Variants in MACROD2 observed in about 807,000 individuals in gnomAD.
MACROD2 encodes the protein ADP-ribose glycohydrolase MACROD2.
In MACROD2, 36 loss-of-function variants were observed where a neutral mutation model predicts 70.4. The ratio of observed to expected loss-of-function variants is 0.51; its 90% confidence interval spans 0.39 to 0.68. The LOEUF (loss-of-function observed/expected upper bound fraction) is 0.68. Among genes scored for constraint, MACROD2 ranks in the 30% least tolerant of loss-of-function variants. MACROD2 has a pLI of 0.00. For synonymous variants in MACROD2, 172 were observed against 178.8 expected (o/e 0.96, Z 0.30); for missense variants, 496 against 538.4 (o/e 0.92, Z 0.78).
At chr20:15,557,112 G>T (rs766304101) in intron 8 of MACROD2, among the ~76,000 whole-genome samples, 2 of 151,710 alleles carry the variant, frequency 1.3e-5, no homozygotes, top group Non-Finnish European at 1.5e-5. Context: ...TAATTGTGCT[G>T]ATTCATCATT....
rs141728380 is a variant in MACROD2, at chr20:15,250,530, A to G, written c.540+20469A>G. ...TGAAAAAAGGTGAACATATAAGTCAAAGGATTGAGAAAAATGTAAGAATGT... is the reference window on the plus strand; with the variant it reads ...TGAAAAAAGGTGAACATATAAGTCAGAGGATTGAGAAAAATGTAAGAATGT... On this transcript the variant is annotated intron_variant, in intron 6 of 17. Transcript: ENST00000684519. Among the ~76,000 whole-genome samples, 455 of 152,336 alleles carry G rather than the reference A, an allele frequency of 3.0e-3. 1 individual carries two copies. Among genetic ancestry groups the G allele is most frequent in the African/African-American group, 0.01 (430 of 41,562 alleles).
At chr20:14,770,026 A>T (rs1036202042) in intron 5 of MACROD2, among the ~76,000 whole-genome samples, 1 of 152,016 alleles carries the variant, frequency 6.6e-6, no homozygotes, top group Non-Finnish European at 1.5e-5. Context: ...ATTTCATGAA[A>T]TTCTAAATAA....
chr20:14,306,398 T>C (rs2082521350), intron 3 of MACROD2, among the ~76,000 whole-genome samples: 1 of 152,074 alleles, frequency 6.6e-6, no homozygotes, highest in Non-Finnish European at 1.5e-5. Context: ...GAGACCCACG[T>C]CTAGGTTGTT....
intron 8 of MACROD2, among the ~76,000 whole-genome samples, chr20:15,529,547 T>C (rs1329705428): frequency 6.6e-6 from 1 of 152,186 alleles, no homozygotes; most frequent in Non-Finnish European, 1.5e-5. Flanking sequence ...TAGAGGCTTC[T>C]TTTAGACAAC....
Position 16,047,549 on chromosome 20 carries a change from C to T in MACROD2, c.1301-2281C>T, listed in dbSNP as rs113687772. ...CTTGTAACTTCCGTTTTTGCACTCT[C>T]GTAATGCTCGTTGCCTGGAATCCAG... On this transcript the variant is annotated intron_variant, in intron 17 of 17. Coordinates refer to ENST00000684519, the MANE Select transcript of MACROD2 (RefSeq NM_001351661.2). Among the ~76,000 whole-genome samples the T allele has an allele frequency of 6.8e-3, 1,034 of 152,272 alleles. 14 individuals are homozygous for T. Among genetic ancestry groups the T allele is most frequent in the African/African-American group, 0.023 (972 of 41,550 alleles).
chr20:15,058,810 A>G (rs970149095), intron 5 of MACROD2, among the ~76,000 whole-genome samples: 7 of 152,220 alleles, frequency 4.6e-5, no homozygotes, highest in African/African-American at 1.7e-4. Context: ...AACATTTAGT[A>G]CATTAAAAAA....
chr20:14,643,001 A>G (rs556143478), intron 4 of MACROD2, among the ~76,000 whole-genome samples: 19 of 152,304 alleles, frequency 1.2e-4, no homozygotes, highest in Non-Finnish European at 2.4e-4. Context: ...ATTTAAAAAA[A>G]TAAAATAAAA....
chr20:14,113,315 A>G (rs2054475715), intron 3 of MACROD2, among the ~76,000 whole-genome samples: 1 of 152,030 alleles, frequency 6.6e-6, no homozygotes, highest in Non-Finnish European at 1.5e-5. Flanking sequence ...TTGAGGTGCA[A>G]TATGATTTGC....
chr20:15,141,209 T>C (rs934195954), intron 5 of MACROD2, among the ~76,000 whole-genome samples: 5 of 149,794 alleles, frequency 3.3e-5, no homozygotes, highest in Non-Finnish European at 5.9e-5. Context: ...TCCATATAGA[T>C]ATACATGTGT....
intron 5 of MACROD2, among the ~76,000 whole-genome samples, chr20:15,211,570 T>C (rs1053123924): frequency 2.0e-5 from 3 of 152,010 alleles, no homozygotes; most frequent in Middle Eastern, 3.2e-3. Flanking sequence ...TGAGAGCTGG[T>C]TGTTTAAAAG....
chr20:14,756,062 C>T (rs1177137541), intron 5 of MACROD2, among the ~76,000 whole-genome samples: 1 of 152,036 alleles, frequency 6.6e-6, no homozygotes, highest in East Asian at 1.9e-4. Context: ...TGTTTCTCTC[C>T]CATTTATTTT....
intron 3 of MACROD2, among the ~76,000 whole-genome samples, chr20:14,487,580 C>G (rs2084749938): frequency 6.6e-6 from 1 of 152,112 alleles, no homozygotes; most frequent in Admixed American, 6.5e-5. Flanking sequence ...TTCCCCTTCC[C>G]CTCTCTCTCA....
At chr20:15,243,720 C>T (rs551560603) in intron 6 of MACROD2, among the ~76,000 whole-genome samples, 2 of 152,028 alleles carry the variant, frequency 1.3e-5, no homozygotes, top group Admixed American at 1.3e-4. Context: ...TCGAGACCAT[C>T]CTGGCTAACA....
chr20:15,004,511 T>G (rs2075020873), intron 5 of MACROD2, among the ~76,000 whole-genome samples: 1 of 152,334 alleles, frequency 6.6e-6, no homozygotes, highest in South Asian at 2.1e-4. Context: ...TACTACCAGA[T>G]AGCTATCTAT....
At chr20:14,324,138 T>G (rs2082697830) in intron 3 of MACROD2, 1 of 152,616 alleles carries the variant, frequency 6.6e-6, no homozygotes, top group Non-Finnish European at 1.5e-5. Flanking sequence ...TCTGTACTTT[T>G]TAAAAGTTTT....
intron 5 of MACROD2, among the ~76,000 whole-genome samples, chr20:15,210,552 G>GTTTTTTTTTTTTTTTTTTTTGTTTTTTT (rs11333280): frequency 1.6e-5 from 2 of 121,650 alleles, no homozygotes; most frequent in Non-Finnish European, 3.3e-5. Flanking sequence ...CTTTTCTTCT[G>GTTTTTTTTTTTTTTTTTTTTGTTTTTTT]TTTTTTTTTT....
At chr20:16,019,442 A>T (rs1220690600) in intron 15 of MACROD2, among the ~76,000 whole-genome samples, 3 of 152,168 alleles carry the variant, frequency 2.0e-5, no homozygotes, top group Admixed American at 2.0e-4. Context: ...GTCAAGCATT[A>T]TAGGAAAAAA....
chr20:15,001,099 T>G (rs1169832338), intron 5 of MACROD2, among the ~76,000 whole-genome samples: 1 of 152,176 alleles, frequency 6.6e-6, no homozygotes, highest in African/African-American at 2.4e-5. Context: ...AGAATAATGG[T>G]GGGGTTCTGG....
chr20:15,522,434 C>T (rs563095485), intron 8 of MACROD2, among the ~76,000 whole-genome samples: 106 of 152,174 alleles, frequency 7.0e-4, no homozygotes, highest in African/African-American at 2.4e-3. Flanking sequence ...ACTAGTAAAC[C>T]CCTGCTACAG....
Sources: allele counts gnomAD v4.1 joint callset (sites outside exome capture counted in the v4.1 genomes callset), GRCh38; gene constraint gnomAD v4.1.1; transcripts MANE v1.5; gene names NCBI Gene and HGNC (gene_info 2026-07-23, HGNC 2026-07-21).